Variants in METTL15 observed in about 807,000 individuals in gnomAD.
The protein encoded by METTL15 is methyltransferase 15, mitochondrial 12S rRNA N4-cytidine.
In METTL15, 34 loss-of-function variants were observed where a neutral mutation model predicts 38.3. The observed-to-expected ratio is 0.89, with a 90% CI of 0.68 to 1.18. The LOEUF (loss-of-function observed/expected upper bound fraction) is 1.18, where lower values mean the gene tolerates loss of function less well. Ranked by LOEUF, METTL15 falls within the 50% of genes most tolerant of loss-of-function variation. The pLI, the probability that METTL15 is intolerant of heterozygous loss-of-function variation, is 0.00. For missense variants in METTL15, 438 were observed against 498.4 expected (o/e 0.88, Z 1.15); for synonymous variants, 162 against 170.9 (o/e 0.95, Z 0.41).
At chr11:28,461,678 T>G (rs539136673) in intron 6 of METTL15, among the ~76,000 whole-genome samples, 5 of 152,214 alleles carry the variant, frequency 3.3e-5, no homozygotes, top group Non-Finnish European at 7.4e-5. Flanking sequence ...ATTTTTGCTT[T>G]CTACTTCTCA....
intron 6 of METTL15, among the ~76,000 whole-genome samples, chr11:28,456,996 C>T (rs1278916015): frequency 6.6e-6 from 1 of 152,168 alleles, no homozygotes; most frequent in African/African-American, 2.4e-5. Flanking sequence ...ATTCTTGGCC[C>T]ACAGAATCTG....
intron 4 of METTL15, among the ~76,000 whole-genome samples, chr11:28,227,359 G>A (rs924757385): frequency 1.3e-5 from 2 of 151,734 alleles, no homozygotes; most frequent in Middle Eastern, 3.2e-3. Context: ...AATGAGTAGC[G>A]TATGATCTCA....
chr11:28,203,749 A>G (rs1161465600), intron 3 of METTL15, among the ~76,000 whole-genome samples: 1 of 152,080 alleles, frequency 6.6e-6, no homozygotes. Flanking sequence ...ATAAAATGAC[A>G]TTTAGTTGTA....
intron 3 of METTL15, among the ~76,000 whole-genome samples, chr11:28,114,331 A>G (rs899414226): frequency 6.6e-6 from 1 of 152,192 alleles, no homozygotes; most frequent in African/African-American, 2.4e-5. Flanking sequence ...TTATTGCTGA[A>G]TCATTGCATT....
At chr11:28,465,888 A>G (rs1160087129) in intron 6 of METTL15, among the ~76,000 whole-genome samples, 2 of 152,220 alleles carry the variant, frequency 1.3e-5, no homozygotes, top group Non-Finnish European at 2.9e-5. Context: ...GCATTGCCAA[A>G]TGTCTTCTAA....
chr11:28,322,702 T>C (rs924645003), intron 6 of METTL15, among the ~76,000 whole-genome samples: 1 of 152,184 alleles, frequency 6.6e-6, no homozygotes, highest in Non-Finnish European at 1.5e-5. Context: ...TCCCAGACTG[T>C]GACTGTCATT....
intron 6 of METTL15, among the ~76,000 whole-genome samples, chr11:28,498,702 G>A (rs1227948240): frequency 6.6e-6 from 1 of 152,084 alleles, no homozygotes; most frequent in African/African-American, 2.4e-5. Flanking sequence ...AAAGGCAATA[G>A]TTCCTGGACT....
intron 4 of METTL15, among the ~76,000 whole-genome samples, chr11:28,259,738 A>G (rs1205260295): frequency 6.6e-6 from 1 of 152,176 alleles, no homozygotes; most frequent in East Asian, 1.9e-4. Context: ...AGGTGATTCA[A>G]GGCTGTTTTT....
intron 3 of METTL15, among the ~76,000 whole-genome samples, chr11:28,338,516 G>A (rs868829660): frequency 7.2e-5 from 11 of 151,818 alleles, no homozygotes; most frequent in African/African-American, 1.5e-4. Context: ...ATTCTTTCAC[G>A]GAATCATCTT....
chr11:28,132,519 C>T (rs1298227784), intron 3 of METTL15, among the ~76,000 whole-genome samples: 1 of 151,958 alleles, frequency 6.6e-6, no homozygotes, highest in Non-Finnish European at 1.5e-5. Context: ...CTGTTTTTAT[C>T]ATAATCTTGA....
chr11:28,225,591 TG>T (rs1394407887), intron 4 of METTL15, among the ~76,000 whole-genome samples: 1 of 151,762 alleles, frequency 6.6e-6, no homozygotes, highest in Non-Finnish European at 1.5e-5. Context: ...ATTTCTCACT[TG>T]TTCTTTTCAC....
chr11:28,308,397 T>C (rs1342460864), intron 6 of METTL15, among the ~76,000 whole-genome samples: 4 of 152,160 alleles, frequency 2.6e-5, no homozygotes, highest in Non-Finnish European at 4.4e-5. Context: ...TTCCCACGTC[T>C]TTCTATCTCT....
chr11:28,347,168 AG>A (rs1850003428), intron 3 of METTL15, among the ~76,000 whole-genome samples: 1 of 152,210 alleles, frequency 6.6e-6, no homozygotes, highest in Non-Finnish European at 1.5e-5. Flanking sequence ...CTTCTATTAC[AG>A]GGAGCATAAT....
At chr11:28,512,147 A>G (rs962822490) in intron 6 of METTL15, among the ~76,000 whole-genome samples, 9 of 152,148 alleles carry the variant, frequency 5.9e-5, no homozygotes, top group Non-Finnish European at 8.8e-5. Flanking sequence ...TGTCCACACA[A>G]AGGTTCTCCA....
At chr11:28,283,582 C>T (rs1458227744) in intron 4 of METTL15, among the ~76,000 whole-genome samples, 2 of 152,122 alleles carry the variant, frequency 1.3e-5, no homozygotes, top group East Asian at 1.9e-4. Flanking sequence ...CAGATATATA[C>T]TAGAGCACCT....
At chr11:28,207,322 C>T (rs372347462) in intron 3 of METTL15, among the ~76,000 whole-genome samples, 34 of 151,998 alleles carry the variant, frequency 2.2e-4, no homozygotes, top group African/African-American at 6.8e-4. Context: ...GCATGAAGGG[C>T]TGTTGAATTT....
chr11:28,430,205 C>T (rs1330445619), intron 6 of METTL15, among the ~76,000 whole-genome samples: 1 of 151,822 alleles, frequency 6.6e-6, no homozygotes, highest in Admixed American at 6.5e-5. Flanking sequence ...ACCCGGCAGC[C>T]ACCCCGTCCG....
chr11:28,156,883 G>A (rs1158826464), intron 3 of METTL15, among the ~76,000 whole-genome samples: 1 of 152,134 alleles, frequency 6.6e-6, no homozygotes, highest in Non-Finnish European at 1.5e-5. Flanking sequence ...TAAAGGCACA[G>A]AAAAATATCT....
chr11:28,300,112 CTACGTAGACATGAATTGTGG>C, intron 6 of METTL15, among the ~76,000 whole-genome samples: 1 of 152,162 alleles, frequency 6.6e-6, no homozygotes. Context: ...ATGAATTGTG[CTACGTAGACATGAATTGTGG>C]GGGACTCTAT....
Sources: allele counts gnomAD v4.1 joint callset (sites outside exome capture counted in the v4.1 genomes callset), GRCh38; gene constraint gnomAD v4.1.1; transcripts MANE v1.5; gene names NCBI Gene and HGNC (gene_info 2026-07-23, HGNC 2026-07-21).